The following TG variants were observed in gnomAD, a reference collection of about 807,000 sequenced individuals.
TG encodes the protein thyroglobulin, also known as thyroid hormones.
In TG, 270 loss-of-function variants were observed where a neutral mutation model predicts 324.7. The observed-to-expected ratio is 0.83, with a 90% CI of 0.75 to 0.92. The LOEUF (loss-of-function observed/expected upper bound fraction) is 0.92. Among genes scored for constraint, TG ranks in the 40% least tolerant of loss-of-function variants. The pLI, the probability that TG is intolerant of heterozygous loss-of-function variation, is 0.00. For missense variants in TG, 3,591 were observed against 3,456.4 expected (o/e 1.04, Z -0.98); for synonymous variants, 1,401 against 1,327.0 (o/e 1.06, Z -1.21).
Position 133,102,656 on chromosome 8 carries a change from TG to T in TG, c.7572+6287del, listed in dbSNP as rs966975418. The T allele has an allele frequency of 3.2e-6, 4 of 1,248,790 alleles. No homozygotes were observed. In the African/African-American group the frequency reaches 5.9e-5, roughly 19 times the overall value. The allele number at this position is 1,248,790 out of a possible 1,614,324, so 77.4% of individuals were successfully genotyped here. A position where few individuals can be genotyped will look rare whatever the true frequency, so the allele number is the denominator to read the frequency against. On this transcript the variant is annotated intron_variant, in intron 43 of 47. Transcript: ENST00000220616. ...TGAAATTCTTCATCAGTCGCTGTCA[TG>T]GGGAATTTCTCCCCCTTTTCTCTTT...
intron 35 of TG, among the ~76,000 whole-genome samples, chr8:132,988,520 C>A (rs1831895751): frequency 6.6e-6 from 1 of 152,148 alleles, no homozygotes; most frequent in African/African-American, 2.4e-5. Context: ...TATGTAAAAG[C>A]TTTACTTTGC....
At chr8:133,029,668 C>T (rs1267466515) in intron 40 of TG, among the ~76,000 whole-genome samples, 153 bp from the exon 41 acceptor site, 2 of 152,246 alleles carry the variant, frequency 1.3e-5, no homozygotes, top group Non-Finnish European at 2.9e-5. Context: ...CACTGTTCCT[C>T]ACTGTATTTG....
chr8:132,948,552 G>A (rs1427767363), intron 26 of TG, among the ~76,000 whole-genome samples: 1 of 152,178 alleles, frequency 6.6e-6, no homozygotes, highest in Non-Finnish European at 1.5e-5. Flanking sequence ...GGATCAGTAG[G>A]CTTGAAGGTG....
chr8:132,897,534 A>G, intron 11 of TG, 115 bp from the exon 12 acceptor site: 3 of 1,416,914 alleles, frequency 2.1e-6, no homozygotes, highest in Non-Finnish European at 2.0e-6. Flanking sequence ...TTTGTCAAAT[A>G]AATAAATAAG....
chr8:133,051,644 G>A (rs1840431574), intron 41 of TG, among the ~76,000 whole-genome samples: 2 of 152,116 alleles, frequency 1.3e-5, no homozygotes, highest in Non-Finnish European at 2.9e-5. Flanking sequence ...AAGGAAAGAG[G>A]GCTGTCTGGT....
At position 132,900,308 on chromosome 8, in the gene TG, G is replaced by C. The variant is rs185061531; in HGVS notation, c.3402G>C (p.Glu1134Asp). 1.3e-4 allele frequency: 215 copies of C among 1,613,834 alleles called. 1 individual carries two copies. In the Admixed American group the frequency reaches 1.5e-3, roughly 12 times the overall value. Residue 1134 changes from glutamate (E) to aspartate (D), a missense_variant, in exon 15 of 48, where the codon GAG becomes GAC. By Grantham distance (45) the Glu-to-Asp change is conservative. Transcript: ENST00000220616. ...TWCVDPASGE[E>D]LRPGSSSSAQ... ...GTGTGGACCCTGCATCAGGAGAAGA[G>C]TTGCGGCCTGGCTCGAGCAGCAGTG...
intron 45 of TG, among the ~76,000 whole-genome samples, chr8:133,126,365 C>A (rs1235184061): frequency 2.0e-5 from 3 of 152,142 alleles, no homozygotes; most frequent in Non-Finnish European, 2.9e-5. Context: ...TTGGTAAGCA[C>A]ACAACACAGT....
Position 132,967,953 on chromosome 8 carries a change from C to A in TG, c.5846C>A (p.Ala1949Asp). Residue 1949 changes from alanine to aspartate, a missense_variant, in exon 31 of 48, where the codon GCC (alanine) becomes GAC (aspartate). Physicochemically the swap from Ala to Asp is moderately radical, Grantham distance 126. Transcript: ENST00000220616. ...CTGATCCTGCCTCAGATGCCAAAGG[C>A]CCTGTTCCGGAAGAAAGGTGAGCAC... ...CRLILPQMPK[A>D]LFRKKVILED... 1 of 1,613,644 alleles carries A rather than the reference C, an allele frequency of 6.2e-7. No individual in the cohort carries two copies. The highest frequency in any genetic ancestry group is 8.5e-7 in the Non-Finnish European group (1 of 1,179,814).
At chr8:132,960,968 G>A (rs1411340401) in intron 27 of TG, 40 bp from the exon 28 acceptor site, 1 of 1,597,138 alleles carries the variant, frequency 6.3e-7, no homozygotes, top group Non-Finnish European at 8.6e-7. Flanking sequence ...CCCAGTGACA[G>A]CACACTCAAG....
At chr8:133,014,870 T>C (rs1834877453) in intron 37 of TG, among the ~76,000 whole-genome samples, 2 of 152,206 alleles carry the variant, frequency 1.3e-5, no homozygotes, top group Non-Finnish European at 2.9e-5. Context: ...TGGACATTTA[T>C]ATTATTTAGT....
chr8:133,047,236 A>G (rs888277204), intron 41 of TG: 2 of 152,406 alleles, frequency 1.3e-5, no homozygotes, highest in Non-Finnish European at 2.9e-5. Context: ...CTTAATGCAT[A>G]TGATGCAAGG....
rs747163696 is a variant in TG at position 132,964,189 on chromosome 8, ACTACTTTAGGG to A, written c.5548+1128_5548+1138del. On this transcript the variant is annotated intron_variant, in intron 29 of 47. Coordinates refer to ENST00000220616, the MANE Select transcript of TG (RefSeq NM_003235.5). ...GGTTCTGTCAAATCCATCATCACACACTACTTTAGGGCTACTTTAGGGCAGCATCTGCAAAA... is the reference window on the plus strand; with the variant it reads ...GGTTCTGTCAAATCCATCATCACACACTACTTTAGGGCAGCATCTGCAAAA... 2.0e-5 allele frequency among the ~76,000 whole-genome samples: 3 copies of A among 151,946 alleles called. 1 individual carries two copies. The highest frequency in any genetic ancestry group is 4.1e-4 in the South Asian group (2 of 4,826).
chr8:132,920,203 C>G (rs534391608), intron 21 of TG, among the ~76,000 whole-genome samples: 8 of 152,166 alleles, frequency 5.3e-5, no homozygotes, highest in Non-Finnish European at 1.2e-4. Flanking sequence ...TGATTTCACT[C>G]GACCTACTTA....
chr8:133,085,018 G>A (rs748283676), intron 41 of TG, among the ~76,000 whole-genome samples: 1 of 152,214 alleles, frequency 6.6e-6, no homozygotes, highest in African/African-American at 2.4e-5. Context: ...AGGCACAGTC[G>A]TGTCTCCCTG....
chr8:132,916,387 C>T (rs752656537), intron 20 of TG, among the ~76,000 whole-genome samples: 13 of 152,224 alleles, frequency 8.5e-5, no homozygotes, highest in Non-Finnish European at 1.6e-4. Context: ...CTGCATCACA[C>T]GTCTCCCTTC....
In TG at chr8:132,888,415, C is replaced by A; in HGVS notation, c.2608C>A (p.Gln870Lys). The change falls in exon 10 of 48, where the codon CAG becomes AAG. Residue 870 changes from glutamine (Q) to lysine (K), a missense_variant. Gln to Lys is a moderately conservative substitution (Grantham distance 53). Transcript: ENST00000220616. ...NILLEPYLFWQILNGQLSQYP... is the reference protein window; with the variant it reads ...NILLEPYLFWKILNGQLSQYP... ...CCTCCTGGAGCCCTACCTCTTCTGG[C>A]AGATCTTAAATGGCCAACTCAGCCA... 3 of 1,613,634 alleles carry A rather than the reference C, an allele frequency of 1.9e-6. No individual in the cohort carries two copies. In the South Asian group the frequency reaches 3.3e-5, roughly 18 times the overall value.
At chr8:133,123,625 T>G (rs184180249) in intron 45 of TG, among the ~76,000 whole-genome samples, 283 of 152,290 alleles carry the variant, frequency 1.9e-3, no homozygotes, top group African/African-American at 6.5e-3. Flanking sequence ...CACTGGCCTT[T>G]AAAGGTCCAG....
At chr8:132,984,806 G>A (rs1831315568) in intron 35 of TG, among the ~76,000 whole-genome samples, 1 of 151,980 alleles carries the variant, frequency 6.6e-6, no homozygotes, top group Non-Finnish European at 1.5e-5. Context: ...GTCAGGCATA[G>A]TAGCGTACAC....
At position 132,900,309 on chromosome 8, in the gene TG, T is replaced by C. The variant is rs1038419045; in HGVS notation, c.3403T>C (p.Leu1135=). 69 of 1,613,316 alleles carry C rather than the reference T, an allele frequency of 4.3e-5. No individual in the cohort carries two copies. The highest frequency in any genetic ancestry group is 5.6e-5 in the Non-Finnish European group (66 of 1,179,798). ...TGTGGACCCTGCATCAGGAGAAGAG[T>C]TGCGGCCTGGCTCGAGCAGCAGTGC... is the stretch of plus-strand genomic sequence containing the variant. ...WCVDPASGEE[L]RPGSSSSAQC... Residue 1135 remains leucine, a synonymous_variant, in exon 15 of 48, where the codon TTG becomes CTG. Coordinates refer to ENST00000220616, the MANE Select transcript of TG (RefSeq NM_003235.5).
Sources: gnomAD v4.1 joint callset for allele counts (sites outside exome capture counted in the v4.1 genomes callset) on GRCh38, gnomAD v4.1.1 for gene constraint, MANE v1.5 for transcripts, NCBI Gene and HGNC (gene_info 2026-07-23, HGNC 2026-07-21) for gene names.